Variants in TMEM192 observed in about 807,000 individuals in gnomAD.
TMEM192 encodes transmembrane protein 192.
In TMEM192, 20 loss-of-function variants were observed where a neutral mutation model predicts 26.7. The ratio of observed to expected loss-of-function variants is 0.75; its 90% CI spans 0.53 to 1.09. TMEM192 has a LOEUF of 1.09. TMEM192 is among the 50% of genes least tolerant of loss of function. TMEM192 has a pLI of 0.00. For synonymous variants in TMEM192, 124 were observed against 121.0 expected (o/e 1.02, Z -0.16); for missense variants, 304 against 322.6 (o/e 0.94, Z 0.44).
chr4:165,097,366 C>T (rs1447040684), intron 3 of TMEM192, among the ~76,000 whole-genome samples: 3 of 151,692 alleles, frequency 2.0e-5, no homozygotes, highest in Non-Finnish European at 4.4e-5. Context: ...TGGTGGCGGG[C>T]GAATGCAGTC....
chr4:165,084,241 C>G (rs897531364), intron 5 of TMEM192, among the ~76,000 whole-genome samples: 10 of 151,792 alleles, frequency 6.6e-5, no homozygotes, highest in Non-Finnish European at 1.3e-4. Flanking sequence ...CTCTGTTGCC[C>G]AGGCTGGAGT....
At chr4:165,104,100 G>A (rs1735109142) in intron 1 of TMEM192, among the ~76,000 whole-genome samples, 1 of 152,188 alleles carries the variant, frequency 6.6e-6, no homozygotes, top group Non-Finnish European at 1.5e-5. Flanking sequence ...TCCAGCCTGG[G>A]CGACAGAGAG....
At chr4:165,084,717 T>C (rs954166473) in intron 5 of TMEM192, among the ~76,000 whole-genome samples, 4 of 150,284 alleles carry the variant, frequency 2.7e-5, no homozygotes, top group East Asian at 2.1e-4. Flanking sequence ...GAGACCAGCC[T>C]GGCCAACATG....
Position 165,090,206 on chromosome 4 carries a change from C to T in TMEM192, c.440-1604G>A, listed in dbSNP as rs572529712. Among the ~76,000 whole-genome samples the T allele has an allele frequency of 9.7e-5, 9 of 93,104 alleles. No homozygotes were observed. In the East Asian group the frequency reaches 1.6e-3, roughly 16 times the overall value. 61.1% of individuals were successfully genotyped at this position (93,104 alleles called of 152,430 possible). A position where few individuals can be genotyped will look rare whatever the true frequency, so the allele number is the denominator to read the frequency against. ...AGCCTGGGCAACAAGAGCGAAACTC[C>T]GTCTTGGAAAAAAAAAAAAAAAAAA... On this transcript the variant is annotated intron_variant, in intron 3 of 5. Transcript: ENST00000306480.
Position 165,077,777 on chromosome 4 carries a change from A to G in TMEM192, c.*1881T>C, listed in dbSNP as rs1427148515. ...AAGAAAGAAAGAAAGGCGCCATTGC[A>G]CTCCAGCCTGGGCGACAGGGTGAGA... On this transcript the variant is annotated 3_prime_UTR_variant, in exon 6 of 6. Transcript: ENST00000306480. 7 of 151,568 alleles carry G rather than the reference A, an allele frequency of 4.6e-5. No homozygotes were observed. Among genetic ancestry groups the G allele is most frequent in the Admixed American group, 4.0e-4 (6 of 15,128 alleles). 9.4% of individuals were successfully genotyped at this position (151,568 alleles called of 1,614,324 possible). A position where few individuals can be genotyped will look rare whatever the true frequency, so the allele number is the denominator to read the frequency against.
At chr4:165,100,349 G>A (rs1281203321) in intron 3 of TMEM192, among the ~76,000 whole-genome samples, 5 of 151,730 alleles carry the variant, frequency 3.3e-5, no homozygotes, top group East Asian at 1.9e-4. Flanking sequence ...TAGTAGAGAC[G>A]GGGTTTCACC....
At chr4:165,088,913 C>T (rs925696279) in intron 3 of TMEM192, among the ~76,000 whole-genome samples, 2 of 151,736 alleles carry the variant, frequency 1.3e-5, no homozygotes, top group Non-Finnish European at 2.9e-5. Context: ...TGGTGGCACA[C>T]ATCTGTAGTT....
At position 165,100,723 on chromosome 4, in the gene TMEM192, T is replaced by C. The variant is rs1049369966; in HGVS notation, c.344A>G (p.Gln115Arg). The stretch of plus-strand genomic sequence containing the variant: ...GTTTCTGATTTTGCTGTGGTGATAC[T>C]GGATGTAGCATTCAAGGAGTAAATG... ...ILHLLLECYIQYHHSKIRNRG... is the reference protein window; with the variant it reads ...ILHLLLECYIRYHHSKIRNRG... Residue 115 changes from glutamine (Q) to arginine (R), a missense_variant, in exon 3 of 6, where the codon CAG (glutamine) becomes CGG (arginine). Coordinates refer to ENST00000306480, the MANE Select transcript of TMEM192 (RefSeq NM_001100389.2). 1.2e-6 allele frequency: 2 copies of C among 1,614,004 alleles called. No homozygotes were observed. Among genetic ancestry groups the C allele is most frequent in the Non-Finnish European group, 1.7e-6 (2 of 1,180,046 alleles).
In TMEM192 at chr4:165,089,470, C is replaced by T. The variant is rs1190322159; in HGVS notation, c.440-868G>A. Among the ~76,000 whole-genome samples, 4 of 152,064 alleles carry T rather than the reference C, an allele frequency of 2.6e-5. No homozygotes were observed. The South Asian group carries it at 6.2e-4, about 24-fold the overall frequency. Reference sequence around the variant, plus strand: ...CCGAGTAGCTGGGACTACAGGCGCCCGCCACCACGCCCGGCTAATTTTTAA... The same window carrying T: ...CCGAGTAGCTGGGACTACAGGCGCCTGCCACCACGCCCGGCTAATTTTTAA... On this transcript the variant is annotated intron_variant, in intron 3 of 5. Coordinates refer to ENST00000306480, the MANE Select transcript of TMEM192 (RefSeq NM_001100389.2).
At chr4:165,096,200 G>C (rs1364465026) in intron 3 of TMEM192, among the ~76,000 whole-genome samples, 1 of 151,880 alleles carries the variant, frequency 6.6e-6, no homozygotes, top group East Asian at 2.0e-4. Context: ...CTGAGGTTAG[G>C]AGTTCGAGAC....
At chr4:165,098,433 T>C (rs932007580) in intron 3 of TMEM192, among the ~76,000 whole-genome samples, 1 of 151,552 alleles carries the variant, frequency 6.6e-6, no homozygotes, top group African/African-American at 2.4e-5. Context: ...GAATTTCTTT[T>C]TTTTTTTAAA....
chr4:165,095,655 CTGA>C, intron 3 of TMEM192, among the ~76,000 whole-genome samples: 1 of 152,302 alleles, frequency 6.6e-6, no homozygotes, highest in South Asian at 2.1e-4. Context: ...CCCAGAGAGA[CTGA>C]CTGGACCCAC....
intron 1 of TMEM192, among the ~76,000 whole-genome samples, chr4:165,107,011 A>AT (rs1049637061): frequency 6.6e-5 from 10 of 150,996 alleles, no homozygotes; most frequent in Non-Finnish European, 1.3e-4. Flanking sequence ...ACTTCTCAGG[A>AT]TTTTTTTTCT....
At chr4:165,101,538 A>G (rs1311616276) in intron 2 of TMEM192, among the ~76,000 whole-genome samples, 1 of 151,934 alleles carries the variant, frequency 6.6e-6, no homozygotes, top group East Asian at 1.9e-4. Flanking sequence ...GGCCAATTTT[A>G]AGAAGTTTTT....
At chr4:165,103,945 G>A (rs1217017301) in intron 1 of TMEM192, among the ~76,000 whole-genome samples, 1 of 152,170 alleles carries the variant, frequency 6.6e-6, no homozygotes. Context: ...TGGGATTACA[G>A]GCATTAGCCA....
chr4:165,087,438 G>A (rs1343838749), intron 4 of TMEM192, among the ~76,000 whole-genome samples: 1 of 152,124 alleles, frequency 6.6e-6, no homozygotes, highest in Non-Finnish European at 1.5e-5. Context: ...CCAGTTCTTG[G>A]GGAGTGAGGT....
chr4:165,084,665 T>A (rs1734567922), intron 5 of TMEM192, among the ~76,000 whole-genome samples: 2 of 151,402 alleles, frequency 1.3e-5, no homozygotes, highest in South Asian at 4.2e-4. Flanking sequence ...TCCCAGCACT[T>A]TGGGAGGCCG....
intron 5 of TMEM192, among the ~76,000 whole-genome samples, chr4:165,081,269 A>C (rs1379860169): frequency 1.3e-5 from 2 of 150,824 alleles, no homozygotes; most frequent in African/African-American, 4.9e-5. Flanking sequence ...CTATTCACTG[A>C]AAAAATACTC....
intron 1 of TMEM192, among the ~76,000 whole-genome samples, chr4:165,112,363 G>A (rs911570003): frequency 6.6e-6 from 1 of 152,158 alleles, no homozygotes; most frequent in African/African-American, 2.4e-5. Context: ...CCATCGGCCC[G>A]GCTCCCGGAG....
Sources: allele counts gnomAD v4.1 joint callset (sites outside exome capture counted in the v4.1 genomes callset), GRCh38; gene constraint gnomAD v4.1.1; transcripts MANE v1.5; gene names NCBI Gene and HGNC (gene_info 2026-07-23, HGNC 2026-07-21).